Variants in NBAS observed in about 807,000 individuals in gnomAD.
The protein encoded by NBAS is NAG/BC035112 fusion.
A neutral mutation model predicts 302.5 loss-of-function variants in NBAS; 219 were observed. The observed-to-expected ratio is 0.72, with a 90% CI of 0.65 to 0.81. The LOEUF (loss-of-function observed/expected upper bound fraction) is 0.81. NBAS is among the 30% of genes least tolerant of loss of function. NBAS has a pLI of 0.00. For missense variants in NBAS, 2,932 were observed against 2,841.6 expected (o/e 1.03, Z -0.72); for synonymous variants, 1,118 against 1,021.6 (o/e 1.09, Z -1.80).
At chr2:15,558,711 A>AT in intron 1 of NBAS, 77 bp from the exon 2 acceptor site, 2 of 1,126,000 alleles carry the variant, frequency 1.8e-6, no homozygotes, top group Non-Finnish European at 2.6e-6. Context: ...ACAATATGTA[A>AT]ACTTATTTTT....
the NBAS span, among the ~76,000 whole-genome samples, chr2:14,957,696 C>A: frequency 2.0e-5 from 3 of 152,168 alleles, no homozygotes; most frequent in Non-Finnish European, 4.4e-5. Context: ...CTTCCTTGCT[C>A]CTTGGCTCCA....
intron 38 of NBAS, among the ~76,000 whole-genome samples, chr2:15,315,584 G>A (rs1671471873): frequency 6.6e-6 from 1 of 152,188 alleles, no homozygotes; most frequent in African/African-American, 2.4e-5. Flanking sequence ...ACTGCACTCA[G>A]CCAGCTGTTT....
intron 48 of NBAS, among the ~76,000 whole-genome samples, chr2:15,202,236 CCAT>C (rs1665910881): frequency 6.6e-6 from 1 of 152,166 alleles, no homozygotes; most frequent in Non-Finnish European, 1.5e-5. Context: ...CAATTCAGAA[CCAT>C]GCTTTACAGC....
At chr2:15,508,480 C>CTTATA (rs1661976172) in intron 10 of NBAS, among the ~76,000 whole-genome samples, 1 of 152,198 alleles carries the variant, frequency 6.6e-6, no homozygotes, top group South Asian at 2.1e-4. Context: ...ACGTTCTCTC[C>CTTATA]TTATATCCTC....
At chr2:15,144,069 C>CTATA in the NBAS span, among the ~76,000 whole-genome samples, 2 of 89,370 alleles carry the variant, frequency 2.2e-5, no homozygotes, top group African/African-American at 4.6e-5. Context: ...ATATATATAT[C>CTATA]TCCCATTAGT....
chr2:15,164,840 C>T (rs1451915061), downstream of NBAS, among the ~76,000 whole-genome samples: 10 of 152,282 alleles, frequency 6.6e-5, no homozygotes, highest in South Asian at 1.5e-3. Flanking sequence ...CCCCCCTCCC[C>T]GCCGCCCACA....
Position 15,383,294 on chromosome 2 carries a change from T to C in NBAS, c.3281A>G (p.His1094Arg). ...CATGTCTTGCAGCAACGTTCTCCAA[T>C]GAGACTCACTGACAGGAGGCTGCCT... Reference protein sequence around the residue: ...GRKQPPVSESHWRTLLQDMLT... With the variant: ...GRKQPPVSESRWRTLLQDMLT... Residue 1094 changes from histidine (H) to arginine (R), a missense_variant, in exon 29 of 52, where the codon CAT (histidine) becomes CGT (arginine). Coordinates refer to ENST00000281513, the MANE Select transcript of NBAS (RefSeq NM_015909.4). 6.2e-7 allele frequency: 1 copy of C among 1,613,808 alleles called. No individual in the cohort carries two copies. The highest frequency in any genetic ancestry group is 8.5e-7 in the Non-Finnish European group (1 of 1,179,872).
intron 10 of NBAS, among the ~76,000 whole-genome samples, chr2:15,505,630 C>T (rs1316920619): frequency 2.0e-5 from 3 of 152,170 alleles, no homozygotes; most frequent in South Asian, 2.1e-4. Context: ...AAGAAGGCAC[C>T]GTTAACCTAC....
intron 10 of NBAS, 66 bp downstream of exon 10, chr2:15,511,146 T>G (rs1662120641): frequency 5.0e-6 from 8 of 1,588,076 alleles, no homozygotes; most frequent in Non-Finnish European, 1.7e-6. Flanking sequence ...AAGGACTTAT[T>G]TGTCTAAGAC....
the NBAS span, among the ~76,000 whole-genome samples, chr2:15,017,866 TA>T: frequency 6.6e-6 from 1 of 152,078 alleles, no homozygotes; most frequent in Admixed American, 6.5e-5. Flanking sequence ...ATGGCAGCAC[TA>T]TTCATAAGAT....
chr2:15,488,774 A>C, intron 12 of NBAS, 120 bp downstream of exon 12: 9 of 1,290,160 alleles, frequency 7.0e-6, no homozygotes, highest in Non-Finnish European at 9.9e-6. Context: ...AAAGGATAGA[A>C]GAGCTTTGGA....
At chr2:15,453,980 T>C (rs1422871584) in intron 21 of NBAS, among the ~76,000 whole-genome samples, 2 of 152,104 alleles carry the variant, frequency 1.3e-5, no homozygotes, top group Non-Finnish European at 2.9e-5. Context: ...GGTTTCACCA[T>C]GTTGGCCAGG....
At chr2:15,245,723 G>A (rs1056746104) in intron 44 of NBAS, among the ~76,000 whole-genome samples, 4 of 152,124 alleles carry the variant, frequency 2.6e-5, no homozygotes, top group East Asian at 3.8e-4. Context: ...GAGGAAGCAC[G>A]TAAGTAGGAG....
At chr2:14,926,892 C>T in the NBAS span, among the ~76,000 whole-genome samples, 6 of 152,204 alleles carry the variant, frequency 3.9e-5, no homozygotes, top group African/African-American at 4.8e-5. Flanking sequence ...GGCTGGGCGA[C>T]GACGCCCAGA....
the NBAS span, among the ~76,000 whole-genome samples, chr2:15,026,679 C>T: frequency 4.6e-5 from 7 of 151,890 alleles, no homozygotes; most frequent in South Asian, 2.1e-4. Context: ...TTATCATATG[C>T]GTATATTCTT....
At chr2:14,914,485 C>T in the NBAS span, among the ~76,000 whole-genome samples, 2 of 152,146 alleles carry the variant, frequency 1.3e-5, no homozygotes, top group African/African-American at 4.8e-5. Context: ...TATGGACTGG[C>T]AGAGAGCTGA....
chr2:15,309,376 G>A (rs1175528401), intron 38 of NBAS, 129 bp from the exon 39 acceptor site: 3 of 704,956 alleles, frequency 4.3e-6, no homozygotes, highest in African/African-American at 1.8e-5. Flanking sequence ...AGGAAAGGCT[G>A]TTCAGCACCA....
At chr2:14,955,500 AC>A in the NBAS span, among the ~76,000 whole-genome samples, 232 of 152,250 alleles carry the variant, frequency 1.5e-3, no homozygotes, top group African/African-American at 4.7e-3. Context: ...TTTCCCTTCC[AC>A]ACTGCCCTAG....
At chr2:15,084,500 T>C in the NBAS span, among the ~76,000 whole-genome samples, 1 of 152,194 alleles carries the variant, frequency 6.6e-6, no homozygotes, top group Admixed American at 6.5e-5. Context: ...TACCTCAGAG[T>C]GCCTGGGATG....
Sources: allele counts gnomAD v4.1 joint callset (sites outside exome capture counted in the v4.1 genomes callset), GRCh38; gene constraint gnomAD v4.1.1; transcripts MANE v1.5; gene names NCBI Gene and HGNC (gene_info 2026-07-23, HGNC 2026-07-21).